The following WDPCP variants were observed in gnomAD, a reference collection of about 807,000 sequenced individuals.
The protein encoded by WDPCP is WD repeat-containing and planar cell polarity effector protein fritz homolog.
WDPCP carries 71 observed loss-of-function variants against 93.1 expected under a neutral mutation model. That is an observed-to-expected ratio of 0.76 (90% CI 0.63 to 0.93). WDPCP has a LOEUF of 0.93. Ranked by LOEUF, WDPCP falls within the 40% of genes least tolerant of loss-of-function variation. The pLI, the probability that WDPCP is intolerant of heterozygous loss-of-function variation, is 0.00. For synonymous variants in WDPCP, 315 were observed against 315.0 expected, an observed-to-expected ratio of 1.00 and a Z score of 0.00; for missense variants, 844 against 887.4, an observed-to-expected ratio of 0.95 and a Z score of 0.62.
At chr2:63,294,735 GA>G (rs933148424) in intron 13 of WDPCP, among the ~76,000 whole-genome samples, 8 of 149,622 alleles carry the variant, frequency 5.3e-5, no homozygotes, top group East Asian at 1.9e-4. Flanking sequence ...GCCATACAAA[GA>G]AAAAAAAACT....
intron 12 of WDPCP, among the ~76,000 whole-genome samples, chr2:63,356,568 A>T (rs1466435966): frequency 1.3e-5 from 2 of 152,256 alleles, no homozygotes; most frequent in East Asian, 3.8e-4. Flanking sequence ...AAGCATACCA[A>T]ACACACTCCT....
intron 6 of WDPCP, among the ~76,000 whole-genome samples, chr2:63,481,478 T>C (rs189695526): frequency 6.6e-4 from 100 of 151,874 alleles, no homozygotes; most frequent in Middle Eastern, 6.8e-3. Context: ...ATTGCAAAAA[T>C]ATGGAACCAG....
At chr2:63,797,482 T>C (rs532410594) in intron 2 of WDPCP, among the ~76,000 whole-genome samples, 1 of 152,112 alleles carries the variant, frequency 6.6e-6, no homozygotes, top group Admixed American at 6.6e-5. Flanking sequence ...GTCCCAGGCC[T>C]GGCAGCATTC....
intron 15 of WDPCP, among the ~76,000 whole-genome samples, chr2:63,159,100 G>A (rs960191832): frequency 2.0e-5 from 3 of 150,964 alleles, no homozygotes; most frequent in Non-Finnish European, 4.4e-5. Flanking sequence ...AGGCTGCAGT[G>A]AGCTGTGATT....
chr2:63,324,424 C>A (rs1687367506), intron 12 of WDPCP, among the ~76,000 whole-genome samples: 1 of 152,150 alleles, frequency 6.6e-6, no homozygotes, highest in Non-Finnish European at 1.5e-5. Flanking sequence ...ACGTCCCCTT[C>A]AAGCTGTAGG....
At chr2:63,755,437 T>C (rs1487318865) in intron 2 of WDPCP, among the ~76,000 whole-genome samples, 1 of 152,022 alleles carries the variant, frequency 6.6e-6, no homozygotes, top group Admixed American at 6.5e-5. Flanking sequence ...TTTATTACAG[T>C]GGAAGGAGGA....
intron 6 of WDPCP, among the ~76,000 whole-genome samples, chr2:63,482,439 T>C (rs999454624): frequency 6.6e-6 from 1 of 151,896 alleles, no homozygotes; most frequent in Non-Finnish European, 1.5e-5. Context: ...CAAAAGGAGG[T>C]CCCTTGGGGA....
intron 13 of WDPCP, among the ~76,000 whole-genome samples, chr2:63,288,286 G>A (rs1684156319): frequency 6.6e-6 from 1 of 152,168 alleles, no homozygotes; most frequent in Admixed American, 6.5e-5. Flanking sequence ...ATGCAATCTT[G>A]GGTGGCTTTT....
chr2:63,608,590 A>G (rs993726457), intron 3 of WDPCP, among the ~76,000 whole-genome samples: 3 of 151,972 alleles, frequency 2.0e-5, no homozygotes, highest in Admixed American at 6.6e-5. Context: ...AGGAGGATTG[A>G]TTGAAGCCAG....
intron 9 of WDPCP, among the ~76,000 whole-genome samples, chr2:63,427,819 T>C (rs1043280667): frequency 2.6e-4 from 40 of 152,148 alleles, no homozygotes; most frequent in African/African-American, 9.4e-4. Flanking sequence ...ACAAGATTAA[T>C]AGAGTGCTAG....
chr2:63,307,884 C>T (rs985070073), intron 13 of WDPCP, among the ~76,000 whole-genome samples: 2 of 152,098 alleles, frequency 1.3e-5, no homozygotes, highest in Non-Finnish European at 1.5e-5. Context: ...CGGGATCTAA[C>T]TACACTAAAG....
intron 6 of WDPCP, among the ~76,000 whole-genome samples, chr2:63,457,864 C>T (rs1207102352): frequency 1.3e-5 from 2 of 152,130 alleles, no homozygotes; most frequent in Non-Finnish European, 2.9e-5. Flanking sequence ...CGGTGGCTCA[C>T]GCCTGTAACC....
chr2:63,207,822 C>T (rs144048373), intron 14 of WDPCP, among the ~76,000 whole-genome samples: 259 of 152,096 alleles, frequency 1.7e-3, no homozygotes, highest in Non-Finnish European at 2.1e-3. Context: ...TGCTGTATTG[C>T]GTTGGTTTTT....
At chr2:63,259,946 G>A (rs1158573381) in intron 13 of WDPCP, among the ~76,000 whole-genome samples, 1 of 152,158 alleles carries the variant, frequency 6.6e-6, no homozygotes, top group African/African-American at 2.4e-5. Context: ...TATGCCCAGT[G>A]GGGAGAGAGA....
chr2:63,555,352 T>C (rs1706016848), intron 1 of WDPCP, among the ~76,000 whole-genome samples: 1 of 152,222 alleles, frequency 6.6e-6, no homozygotes, highest in African/African-American at 2.4e-5. Context: ...TCCCTGGGAC[T>C]GTACCCCTGC....
intron 2 of WDPCP, among the ~76,000 whole-genome samples, chr2:63,796,467 G>A (rs1034849641): frequency 2.6e-5 from 4 of 152,242 alleles, no homozygotes; most frequent in South Asian, 2.1e-4. Flanking sequence ...ACTGCAGAGT[G>A]TAAGACAGTC....
chr2:63,158,010 A>G (rs889812837), intron 15 of WDPCP, among the ~76,000 whole-genome samples: 6 of 147,020 alleles, frequency 4.1e-5, no homozygotes, highest in Admixed American at 6.8e-5. Flanking sequence ...TAAAATTCTT[A>G]TTTTAAGCTG....
chr2:63,223,587 C>T (rs1294119534), intron 14 of WDPCP, among the ~76,000 whole-genome samples: 2 of 152,096 alleles, frequency 1.3e-5, no homozygotes, highest in Non-Finnish European at 1.5e-5. Context: ...ACATAAGACT[C>T]ACTACAATTG....
chr2:63,248,636 T>G (rs1051846159), intron 14 of WDPCP, among the ~76,000 whole-genome samples: 1 of 152,206 alleles, frequency 6.6e-6, no homozygotes, highest in African/African-American at 2.4e-5. Flanking sequence ...CTCTTCCCCT[T>G]CTGGGACTCC....
Sources: allele counts gnomAD v4.1 joint callset (sites outside exome capture counted in the v4.1 genomes callset), GRCh38; gene constraint gnomAD v4.1.1; transcripts MANE v1.5; gene names NCBI Gene and HGNC (gene_info 2026-07-23, HGNC 2026-07-21).